The following PPP2R5C variants were observed in gnomAD, a reference collection of about 807,000 sequenced individuals.
PPP2R5C encodes the protein serine/threonine-protein phosphatase 2A 56 kDa regulatory subunit gamma isoform.
Under a neutral mutation model 68.9 loss-of-function variants are expected in PPP2R5C, and 7 were observed. The ratio of observed to expected loss-of-function variants is 0.10; its 90% CI spans 0.06 to 0.19. The LOEUF (loss-of-function observed/expected upper bound fraction) is 0.19. Ranked by LOEUF, PPP2R5C falls within the 10% of genes least tolerant of loss-of-function variation. PPP2R5C has a pLI of 1.00. For synonymous variants in PPP2R5C, 210 were observed against 222.2 expected, an observed-to-expected ratio of 0.95 and a Z score of 0.49; for missense variants, 348 against 641.3, an observed-to-expected ratio of 0.54 and a Z score of 4.94.
intron 2 of PPP2R5C, 138 bp downstream of exon 2, chr14:101,763,108 C>T: frequency 1.5e-6 from 1 of 670,326 alleles, no homozygotes; most frequent in Non-Finnish European, 2.5e-6. Context: ...TCTTTTATAA[C>T]CCTCAATTTT....
chr14:101,921,946 T>C (rs566511531), intron 13 of PPP2R5C: 1 of 954,910 alleles, frequency 1.0e-6, no homozygotes, highest in African/African-American at 1.8e-5. Context: ...ATTTATATTA[T>C]AGACATTTTA....
chr14:101,831,481 A>G (rs1005513423), intron 1 of PPP2R5C, among the ~76,000 whole-genome samples: 22 of 152,372 alleles, frequency 1.4e-4, no homozygotes, highest in African/African-American at 5.3e-4. Flanking sequence ...GCCAGTGGGC[A>G]TAGCATCTTT....
rs991151010 is a variant in PPP2R5C, at chr14:101,861,796, C to T, written c.294+4911C>T. ...CTGACAGACAAACCAGTTATTCGGA[C>T]TTTGAATATTTGGCAGGCATCTTCT... On this transcript the variant is annotated intron_variant, in intron 2 of 13. Transcript: ENST00000334743. Among the ~76,000 whole-genome samples, 8 of 152,126 alleles carry T rather than the reference C, an allele frequency of 5.3e-5. 1 individual carries two copies. Among genetic ancestry groups the T allele is most frequent in the Admixed American group, 2.6e-4 (4 of 15,268 alleles).
intron 1 of PPP2R5C, among the ~76,000 whole-genome samples, chr14:101,817,669 G>A (rs538374678): frequency 1.3e-5 from 2 of 152,232 alleles, no homozygotes; most frequent in African/African-American, 4.8e-5. Context: ...GGAGCCACAC[G>A]CCAGGGTCAG....
intron 2 of PPP2R5C, among the ~76,000 whole-genome samples, chr14:101,857,147 G>T (rs901100831): frequency 2.0e-5 from 3 of 152,256 alleles, no homozygotes; most frequent in African/African-American, 7.2e-5. Context: ...ACCCTATGGA[G>T]TAGAAGTGTT....
intron 8 of PPP2R5C, 59 bp downstream of exon 10, chr14:101,894,619 T>G (rs372158074): frequency 1.6e-5 from 24 of 1,490,696 alleles, no homozygotes; most frequent in Non-Finnish European, 2.1e-5. Flanking sequence ...ATGTAAATAT[T>G]ACAACATCTG....
At chr14:101,862,288 G>GC (rs2042790868) in intron 2 of PPP2R5C, among the ~76,000 whole-genome samples, 1 of 152,194 alleles carries the variant, frequency 6.6e-6, no homozygotes, top group African/African-American at 2.4e-5. Context: ...AGACACTCCT[G>GC]CTGAGCTCAG....
Position 101,915,665 on chromosome 14 carries a change from T to C in PPP2R5C, c.1327-2166T>C, listed in dbSNP as rs1387232841. On this transcript the variant is annotated intron_variant, in intron 12 of 13. Coordinates refer to ENST00000334743, the Ensembl canonical transcript of PPP2R5C. The surrounding 1 kb of genome is among the most constrained non-coding windows in gnomAD (Gnocchi z 4.2). ...GGTTTCTGTATCTCCCACCTGACTG[T>C]GAGCCCCCTCGAGGAAAGGTGCTGT... is the stretch of plus-strand genomic sequence containing the variant. 2.6e-5 allele frequency among the ~76,000 whole-genome samples: 4 copies of C among 152,230 alleles called. No homozygotes were observed.
intron 1 of PPP2R5C, chr14:101,831,774 G>A (rs756062608): frequency 2.0e-4 from 140 of 702,290 alleles, no homozygotes; most frequent in Non-Finnish European, 3.0e-4. Context: ...TCTGCGGGCC[G>A]ACTGTGGGAC....
chr14:101,916,214 G>A lies in PPP2R5C; in HGVS notation c.1327-1617G>A, dbSNP rs2046661678. Among the ~76,000 whole-genome samples, 1 of 152,116 alleles carries A rather than the reference G, an allele frequency of 6.6e-6. No homozygotes were observed. The highest frequency in any genetic ancestry group is 6.5e-5 in the Admixed American group (1 of 15,270). On this transcript the variant is annotated intron_variant, in intron 12 of 13. Transcript: ENST00000334743. This position sits in a 1 kb window ranked among gnomAD's most constrained non-coding sequence, Gnocchi z 5.5. ...GTCGGGGTAGGGTGTGGAGATGTGT[G>A]GAGATCGTGGTGCTGGGCGGAGCTG...
At chr14:101,800,010 G>C (rs1348333239) in intron 3 of PPP2R5C, among the ~76,000 whole-genome samples, 1 of 152,216 alleles carries the variant, frequency 6.6e-6, no homozygotes, top group African/African-American at 2.4e-5. Context: ...TATAATCCCA[G>C]TAATTTGGGA....
rs1370987759 is a variant in PPP2R5C at position 101,916,832 on chromosome 14, A to G, written c.1327-999A>G. On this transcript the variant is annotated intron_variant, in intron 12 of 13. Coordinates refer to ENST00000334743, the Ensembl canonical transcript of PPP2R5C. The surrounding 1 kb of genome is among the most constrained non-coding windows in gnomAD (Gnocchi z 5.5). ...CTGGGCAGAGAATGGAGGGGTGTGG[A>G]TGAGAGCAGCCTGGGCAGGAACCCC... is the stretch of plus-strand genomic sequence containing the variant. Among the ~76,000 whole-genome samples, 4 of 152,004 alleles carry G rather than the reference A, an allele frequency of 2.6e-5. No individual in the cohort carries two copies. Among genetic ancestry groups the G allele is most frequent in the Non-Finnish European group, 5.9e-5 (4 of 67,966 alleles).
intron 2 of PPP2R5C, among the ~76,000 whole-genome samples, chr14:101,772,683 C>A (rs2037214713): frequency 6.6e-6 from 1 of 152,010 alleles, no homozygotes; most frequent in African/African-American, 2.4e-5. Flanking sequence ...GCAGTCCCAG[C>A]TATTCAGGAG....
At chr14:101,867,633 C>A (rs2043160613) in intron 2 of PPP2R5C, among the ~76,000 whole-genome samples, 1 of 151,824 alleles carries the variant, frequency 6.6e-6, no homozygotes, top group Non-Finnish European at 1.5e-5. Context: ...TGAAAATTAG[C>A]CAGGCATGGT....
intron 1 of PPP2R5C, among the ~76,000 whole-genome samples, chr14:101,851,906 A>G (rs1030676209): frequency 4.6e-5 from 7 of 151,908 alleles, no homozygotes; most frequent in Admixed American, 3.9e-4. Flanking sequence ...CTCATATTCT[A>G]TGATTTGGTG....
intron 5 of PPP2R5C, among the ~76,000 whole-genome samples, chr14:101,883,803 C>T (rs976787088): frequency 2.0e-5 from 3 of 152,196 alleles, no homozygotes; most frequent in Non-Finnish European, 4.4e-5. Context: ...AGCTCCCCAG[C>T]GCCTCATCCT....
At chr14:101,878,348 A>C (rs59007575) in intron 2 of PPP2R5C, among the ~76,000 whole-genome samples, 18,741 of 152,256 alleles carry the variant, frequency 0.12, 1,831 homozygotes, top group African/African-American at 0.26. Flanking sequence ...AGAGCAAGCC[A>C]TCTGAGTCAC....
intron 1 of PPP2R5C, among the ~76,000 whole-genome samples, chr14:101,813,962 G>T (rs1361551084): frequency 6.6e-6 from 1 of 152,174 alleles, no homozygotes; most frequent in African/African-American, 2.4e-5. Flanking sequence ...CATGCAAGAA[G>T]CAAGCACAGA....
rs1325047947 is a variant in PPP2R5C, at chr14:101,916,842, C to T, written c.1327-989C>T. ...AATGGAGGGGTGTGGATGAGAGCAGCCTGGGCAGGAACCCCCGCTCCCCTC... is the reference window on the plus strand; with the variant it reads ...AATGGAGGGGTGTGGATGAGAGCAGTCTGGGCAGGAACCCCCGCTCCCCTC... On this transcript the variant is annotated intron_variant, in intron 12 of 13. Transcript: ENST00000334743. This position sits in a 1 kb window ranked among gnomAD's most constrained non-coding sequence, Gnocchi z 5.5. Among the ~76,000 whole-genome samples the T allele has an allele frequency of 6.6e-6, 1 of 152,026 alleles. No homozygotes were observed. The highest frequency in any genetic ancestry group is 1.5e-5 in the Non-Finnish European group (1 of 67,978).
Sources: gnomAD v4.1 joint callset for allele counts (sites outside exome capture counted in the v4.1 genomes callset) on GRCh38, gnomAD v4.1.1 for gene constraint, Gnocchi (gnomAD v3.1) non-coding constraint, MANE v1.5 for transcripts, NCBI Gene and HGNC (gene_info 2026-07-23, HGNC 2026-07-21) for gene names.